RFX4: variants seen among roughly 807,000 people sequenced by gnomAD.
RFX4 encodes the protein transcription factor RFX4.
Under a neutral mutation model 95.0 loss-of-function variants are expected in RFX4, and 10 were observed. The observed-to-expected ratio is 0.11, with a 90% CI of 0.06 to 0.18. The LOEUF (loss-of-function observed/expected upper bound fraction) is 0.18, where lower values mean the gene tolerates loss of function less well. Ranked by LOEUF, RFX4 falls within the 10% of genes least tolerant of loss-of-function variation. The pLI, the probability that RFX4 is intolerant of heterozygous loss-of-function variation, is 1.00. For synonymous variants in RFX4, 321 were observed against 340.7 expected (o/e 0.94, Z 0.64); for missense variants, 640 against 922.0 (o/e 0.69, Z 3.96).
At chr12:106,597,829 C>T (rs957822479) in intron 1 of RFX4, among the ~76,000 whole-genome samples, 7 of 152,088 alleles carry the variant, frequency 4.6e-5, no homozygotes, top group Non-Finnish European at 1.0e-4. Flanking sequence ...CACTGCATCC[C>T]AGCCTAGGCA....
intron 13 of RFX4, among the ~76,000 whole-genome samples, chr12:106,730,770 G>A (rs2042594773): frequency 6.6e-6 from 1 of 152,332 alleles, no homozygotes; most frequent in East Asian, 1.9e-4. Flanking sequence ...GGAGGCCGAG[G>A]TAGGTGGATC....
chr12:106,611,226 T>C (rs1318685465), intron 2 of RFX4, among the ~76,000 whole-genome samples: 1 of 152,248 alleles, frequency 6.6e-6, no homozygotes, highest in Non-Finnish European at 1.5e-5. Flanking sequence ...TTATCAGTTA[T>C]GTGACTTACA....
At chr12:106,661,770 C>T (rs2041079015) in intron 4 of RFX4, among the ~76,000 whole-genome samples, 2 of 152,168 alleles carry the variant, frequency 1.3e-5, no homozygotes, top group Admixed American at 1.3e-4. Context: ...TTTACAGTCT[C>T]TAGTTTTGCC....
intron 3 of RFX4, among the ~76,000 whole-genome samples, chr12:106,653,797 C>T (rs1029735602): frequency 2.0e-4 from 30 of 152,312 alleles, no homozygotes; most frequent in African/African-American, 7.2e-4. Flanking sequence ...AGCCAAGGAG[C>T]TCCAAGATGT....
chr12:106,616,185 TCAAA>T (rs1311043013), intron 2 of RFX4, among the ~76,000 whole-genome samples: 2 of 152,234 alleles, frequency 1.3e-5, no homozygotes, highest in Admixed American at 6.5e-5. Flanking sequence ...TTGAATTTTA[TCAAA>T]CACTTTTTCT....
At chr12:106,622,766 AC>A (rs2040211038) in intron 2 of RFX4, among the ~76,000 whole-genome samples, 1 of 151,500 alleles carries the variant, frequency 6.6e-6, no homozygotes, top group Admixed American at 6.6e-5. Context: ...GACTACAGGC[AC>A]GTGCCACCAC....
chr12:106,663,951 T>A (rs930278540), intron 4 of RFX4, among the ~76,000 whole-genome samples: 1 of 151,886 alleles, frequency 6.6e-6, no homozygotes, highest in African/African-American at 2.4e-5. Flanking sequence ...TTATACATCA[T>A]TGGATTCAAT....
intron 17 of RFX4, 49 bp downstream of exon 17, chr12:106,750,842 C>T (rs746960278): frequency 6.8e-7 from 1 of 1,472,948 alleles, no homozygotes; most frequent in Non-Finnish European, 9.0e-7. Context: ...ATACTTGGTG[C>T]CAAATCTGGT....
rs1054021835 is a variant in RFX4 at position 106,720,925 on chromosome 12, C to T, written c.1351+49C>T. ...ATCTCCAAGCACTTTTTCCTCTGGG[C>T]ACGGAGCCCAGAGGAATCTACCACA... On this transcript the variant is annotated intron_variant, in intron 13 of 17. Transcript: ENST00000392842. This position sits in a 1 kb window ranked among gnomAD's most constrained non-coding sequence, Gnocchi z 4.2. 2.0e-6 allele frequency: 3 copies of T among 1,527,680 alleles called. No individual in the cohort carries two copies. The African/African-American group carries it at 4.1e-5, about 21-fold the overall frequency. The allele number at this position is 1,527,680 out of a possible 1,614,324, so 94.6% of individuals were successfully genotyped here.
At chr12:106,623,642 T>A (rs1452949654) in intron 2 of RFX4, among the ~76,000 whole-genome samples, 1 of 152,190 alleles carries the variant, frequency 6.6e-6, no homozygotes, top group Non-Finnish European at 1.5e-5. Flanking sequence ...TGCTTTAGCA[T>A]GTTAAGAATG....
intron 1 of RFX4, among the ~76,000 whole-genome samples, chr12:106,587,063 C>A (rs759151805): frequency 6.6e-6 from 1 of 152,336 alleles, no homozygotes. Context: ...GCAGCGGGGT[C>A]AAGTGAGAGC....
Position 106,679,475 on chromosome 12 carries a change from AC to A in RFX4, c.316-2516del, listed in dbSNP as rs1282646915. Among the ~76,000 whole-genome samples, 5 of 150,626 alleles carry A rather than the reference AC, an allele frequency of 3.3e-5. No individual in the cohort carries two copies. In the South Asian group the frequency reaches 6.4e-4, roughly 19 times the overall value. On this transcript the variant is annotated intron_variant, in intron 4 of 17. Coordinates refer to ENST00000392842, the MANE Select transcript of RFX4 (RefSeq NM_213594.3). Reference sequence around the variant, plus strand: ...GTCTCAGAAAAAAACAAAAAAAAAAACCAAAAACCACAATACTTTACTGTTG... The same window carrying A: ...GTCTCAGAAAAAAACAAAAAAAAAAACAAAAACCACAATACTTTACTGTTG...
At chr12:106,747,316 G>A in intron 15 of RFX4, 121 bp from the exon 16 acceptor site, 1 of 1,055,824 alleles carries the variant, frequency 9.5e-7, no homozygotes. Context: ...CAGAGTCAGA[G>A]ATACATGTCT....
chr12:106,753,608 C>T lies in RFX4; in HGVS notation c.1935+2815C>T, dbSNP rs945918227. On this transcript the variant is annotated intron_variant, in intron 17 of 17. Coordinates refer to ENST00000392842, the MANE Select transcript of RFX4 (RefSeq NM_213594.3). ...AACACGTGTTGTATGCCAGGCTCTG[C>T]GCTGAGCACTCTCCACATCCCTTAG... Among the ~76,000 whole-genome samples the T allele has an allele frequency of 7.9e-5, 12 of 152,250 alleles. No homozygotes were observed. In the South Asian group the frequency reaches 1.0e-3, roughly 13 times the overall value.
chr12:106,687,768 T>A (rs1254072950), intron 6 of RFX4, among the ~76,000 whole-genome samples: 1 of 152,152 alleles, frequency 6.6e-6, no homozygotes, highest in Non-Finnish European at 1.5e-5. Context: ...ATCTCTATCA[T>A]GTATGCCTAT....
chr12:106,660,978 C>G (rs368457916), intron 4 of RFX4, among the ~76,000 whole-genome samples: 14 of 152,298 alleles, frequency 9.2e-5, no homozygotes, highest in African/African-American at 3.4e-4. Flanking sequence ...TGGTACCAAA[C>G]AGGTTGGGGA....
At chr12:106,704,059 CT>C (rs1453529315) in intron 8 of RFX4, among the ~76,000 whole-genome samples, 1 of 104,988 alleles carries the variant, frequency 9.5e-6, no homozygotes, top group Non-Finnish European at 1.7e-5. Context: ...TAGCAAGACA[CT>C]GTCTCAAAAA....
At chr12:106,719,670 A>G (rs2042360257) in intron 11 of RFX4, among the ~76,000 whole-genome samples, 1 of 152,150 alleles carries the variant, frequency 6.6e-6, no homozygotes, top group South Asian at 2.1e-4. Context: ...AAGTAGTGGG[A>G]AAAGCCTGAA....
At chr12:106,716,612 T>C (rs2042297126) in intron 11 of RFX4, among the ~76,000 whole-genome samples, 1 of 152,150 alleles carries the variant, frequency 6.6e-6, no homozygotes, top group Admixed American at 6.5e-5. Context: ...TCCCCAGGGC[T>C]TCTTTCCTGG....
Sources: gnomAD v4.1 joint callset for allele counts (sites outside exome capture counted in the v4.1 genomes callset) on GRCh38, gnomAD v4.1.1 for gene constraint, Gnocchi (gnomAD v3.1) non-coding constraint, MANE v1.5 for transcripts, NCBI Gene and HGNC (gene_info 2026-07-23, HGNC 2026-07-21) for gene names.